The following PAX7 variants were observed in gnomAD, a reference collection of about 807,000 sequenced individuals.
PAX7 encodes paired box 7.
In PAX7, 18 loss-of-function variants were observed where a neutral mutation model predicts 50.7. The ratio of observed to expected loss-of-function variants is 0.36; its 90% CI spans 0.25 to 0.53. The LOEUF (loss-of-function observed/expected upper bound fraction) is 0.53, where lower values mean the gene tolerates loss of function less well. PAX7 is among the 20% of genes least tolerant of loss of function. The probability of loss-of-function intolerance (pLI) is 0.93; values close to 1 mark genes in which losing one functional copy is unlikely to be tolerated. For missense variants in PAX7, 644 were observed against 702.9 expected (o/e 0.92, Z 0.95); for synonymous variants, 310 against 290.4 (o/e 1.07, Z -0.69).
intron 7 of PAX7, among the ~76,000 whole-genome samples, chr1:18,732,168 T>C (rs1435292762): frequency 6.6e-6 from 1 of 152,206 alleles, no homozygotes; most frequent in Non-Finnish European, 1.5e-5. Context: ...ACATAGCCCC[T>C]TATTTTTCCT....
At chr1:18,655,673 G>T (rs1194641096) in intron 4 of PAX7, among the ~76,000 whole-genome samples, 1 of 152,076 alleles carries the variant, frequency 6.6e-6, no homozygotes, top group African/African-American at 2.4e-5. Flanking sequence ...ACTTGACCAG[G>T]TTCCCCCTCC....
intron 7 of PAX7, among the ~76,000 whole-genome samples, chr1:18,721,435 C>A (rs938505171): frequency 6.6e-6 from 1 of 152,172 alleles, no homozygotes; most frequent in Admixed American, 6.5e-5. Context: ...CCTCCCTCTC[C>A]CTCGACCCCC....
chr1:18,635,981 G>A (rs528594566), intron 3 of PAX7, among the ~76,000 whole-genome samples: 14 of 152,260 alleles, frequency 9.2e-5, no homozygotes, highest in African/African-American at 3.4e-4. Flanking sequence ...TGTAAGGCAC[G>A]AATGCATGCA....
rs879191511 is a variant in PAX7 at position 18,747,978 on chromosome 1, T to C, written c.*3049T>C. The C allele has an allele frequency of 5.0e-6, 1 of 200,820 alleles. No homozygotes were observed. The highest frequency in any genetic ancestry group is 1.9e-4 in the South Asian group (1 of 5,224). The allele number at this position is 200,820 out of a possible 1,614,324, so 12.4% of individuals were successfully genotyped here. On this transcript the variant is annotated 3_prime_UTR_variant, in exon 9 of 9. Coordinates refer to ENST00000420770, the MANE Select transcript of PAX7 (RefSeq NM_001135254.2). ...ATTTTTTTCATTTGGTATTTCTCTC[T>C]TGCTATATAAAGAAAAAAAGAAGTG...
intron 4 of PAX7, among the ~76,000 whole-genome samples, chr1:18,684,863 G>T (rs1022102857): frequency 6.6e-6 from 1 of 152,158 alleles, no homozygotes; most frequent in Non-Finnish European, 1.5e-5. Context: ...TGTGAGGGAG[G>T]CTGAGAGAAG....
At chr1:18,733,214 A>C (rs1459831347) in intron 7 of PAX7, among the ~76,000 whole-genome samples, 3 of 151,942 alleles carry the variant, frequency 2.0e-5, no homozygotes, top group African/African-American at 7.3e-5. Context: ...GAAAGCAACA[A>C]ACACAGTCCC....
chr1:18,730,860 T>C (rs2089636997), intron 7 of PAX7, among the ~76,000 whole-genome samples: 1 of 140,726 alleles, frequency 7.1e-6, no homozygotes, highest in Admixed American at 7.1e-5. Context: ...TGATTTAGTC[T>C]GGTCGAGGCT....
chr1:18,714,949 G>A (rs1203512442), intron 7 of PAX7, among the ~76,000 whole-genome samples: 1 of 152,256 alleles, frequency 6.6e-6, no homozygotes, highest in African/African-American at 2.4e-5. Context: ...AGGGAGATTA[G>A]GAATTAATAC....
At position 18,703,266 on chromosome 1, in the gene PAX7, G is replaced by A. The variant is rs2089245338; in HGVS notation, c.1125G>A (p.Met375Ile). 2 of 1,614,176 alleles carry A rather than the reference G, an allele frequency of 1.2e-6. No homozygotes were observed. The highest frequency in any genetic ancestry group is 1.7e-6 in the Non-Finnish European group (2 of 1,180,040). The change falls in exon 7 of 9, where the codon ATG becomes ATA. Residue 375 changes from methionine (M) to isoleucine (I), a missense_variant. Coordinates refer to ENST00000420770, the MANE Select transcript of PAX7 (RefSeq NM_001135254.2). ...ATCCGGCGGCGCCCTCCAACCACAT[G>A]AACCCGGTCAGCAACGGCCTGTCTC... ...FMNPAAPSNHMNPVSNGLSPQ... is the reference protein window; with the variant it reads ...FMNPAAPSNHINPVSNGLSPQ...
rs1427658208 is a variant in PAX7, at chr1:18,714,209, A to ATAAATAAATAAG, written c.1155+10924_1155+10925insGTAAATAAATAA. ...GTGACAGAATGAGGCTCCGTCTCAA[A>ATAAATAAATAAG]TAAATAAATAAATAAATAAATAAAT... is the stretch of plus-strand genomic sequence containing the variant. On this transcript the variant is annotated intron_variant, in intron 7 of 8. Coordinates refer to ENST00000420770, the MANE Select transcript of PAX7 (RefSeq NM_001135254.2). 5.4e-3 allele frequency among the ~76,000 whole-genome samples: 721 copies of ATAAATAAATAAG among 134,062 alleles called. 5 individuals are homozygous for ATAAATAAATAAG. Among genetic ancestry groups the ATAAATAAATAAG allele is most frequent in the African/African-American group, 0.023 (674 of 29,634 alleles). 87.9% of individuals were successfully genotyped at this position (134,062 alleles called of 152,430 possible). A position where few individuals can be genotyped will look rare whatever the true frequency, so the allele number is the denominator to read the frequency against.
At chr1:18,679,792 T>G (rs1402980883) in intron 4 of PAX7, among the ~76,000 whole-genome samples, 2 of 152,252 alleles carry the variant, frequency 1.3e-5, no homozygotes, top group Non-Finnish European at 2.9e-5. Flanking sequence ...TGTTCATTCA[T>G]TCAGTCAGTT....
chr1:18,735,976 G>T lies in PAX7; in HGVS notation c.1402+98G>T, dbSNP rs564169781. ...TGGAGAGCTACAAGGTGGTGTCAGG[G>T]TGGGGAATGTCCATTTCACAGATGG... On this transcript the variant is annotated intron_variant, in intron 8 of 8. Coordinates refer to ENST00000420770, the MANE Select transcript of PAX7 (RefSeq NM_001135254.2). The surrounding 1 kb of genome is among the most constrained non-coding windows in gnomAD (Gnocchi z 4.0). 9.8e-5 allele frequency: 158 copies of T among 1,613,660 alleles called. 1 individual carries two copies. Among genetic ancestry groups the T allele is most frequent in the South Asian group, 8.9e-4 (81 of 91,024 alleles).
chr1:18,684,732 T>C (rs377356402), intron 4 of PAX7, among the ~76,000 whole-genome samples: 1 of 152,216 alleles, frequency 6.6e-6, no homozygotes, highest in South Asian at 2.1e-4. Flanking sequence ...TCAACTATTA[T>C]GTGATTCGTT....
intron 4 of PAX7, among the ~76,000 whole-genome samples, chr1:18,637,855 GTGCCGGGCGCCCCGCTGTGCCCGGCC>G: frequency 6.6e-6 from 1 of 152,246 alleles, no homozygotes; most frequent in South Asian, 2.1e-4. Context: ...GGAGCCAGCT[GTGCCGGGCGCCCCGCTGTGCCCGGCC>G]TGCCGAGGGG....
intron 4 of PAX7, among the ~76,000 whole-genome samples, chr1:18,677,303 G>C (rs1179486943): frequency 6.6e-6 from 1 of 152,162 alleles, no homozygotes; most frequent in Admixed American, 6.5e-5. Context: ...CAGTGGTGGG[G>C]GTGTCAGGCT....
intron 4 of PAX7, among the ~76,000 whole-genome samples, chr1:18,653,677 G>T (rs76945152): frequency 0.021 from 3,254 of 151,996 alleles, 112 homozygotes; most frequent in African/African-American, 0.069. Flanking sequence ...GGTCGGGGGG[G>T]TTGTCCATGG....
At chr1:18,656,055 G>A (rs998731368) in intron 4 of PAX7, among the ~76,000 whole-genome samples, 6 of 152,108 alleles carry the variant, frequency 3.9e-5, no homozygotes, top group African/African-American at 1.2e-4. Context: ...ACCCATCTGC[G>A]ATATGGGTAT....
chr1:18,742,817 G>A (rs1453582926), intron 8 of PAX7, among the ~76,000 whole-genome samples: 3 of 152,224 alleles, frequency 2.0e-5, no homozygotes, highest in African/African-American at 7.2e-5. Flanking sequence ...CACATCCCTT[G>A]GGACTGTCGA....
chr1:18,730,314 G>A (rs531571839), intron 7 of PAX7, among the ~76,000 whole-genome samples: 12 of 152,308 alleles, frequency 7.9e-5, no homozygotes, highest in African/African-American at 2.9e-4. Context: ...GCCCTTCTGA[G>A]CACTGACTGG....
Sources: allele counts gnomAD v4.1 joint callset (sites outside exome capture counted in the v4.1 genomes callset), GRCh38; gene constraint gnomAD v4.1.1; non-coding constraint Gnocchi (gnomAD v3.1); transcripts MANE v1.5; gene names NCBI Gene and HGNC (gene_info 2026-07-23, HGNC 2026-07-21).